FNDC3B: variants seen among roughly 807,000 people sequenced by gnomAD.
The protein encoded by FNDC3B is fibronectin type III domain containing 3B, also known as fibronectin type III domain-containing protein 3B.
In FNDC3B, 12 loss-of-function variants were observed where a neutral mutation model predicts 151.5. The ratio of observed to expected loss-of-function variants is 0.08; its 90% CI spans 0.05 to 0.13. FNDC3B has a LOEUF of 0.13. FNDC3B is among the 10% of genes least tolerant of loss of function. FNDC3B has a pLI of 1.00. For missense variants in FNDC3B, 1,214 were observed against 1,505.3 expected (o/e 0.81, Z 3.20); for synonymous variants, 528 against 549.0 (o/e 0.96, Z 0.54).
chr3:172,225,508 A>G (rs547302130), intron 3 of FNDC3B: 6 of 214,860 alleles, frequency 2.8e-5, no homozygotes, highest in Admixed American at 1.3e-4. Context: ...GGCTGGCCAT[A>G]AAAACTCCAG....
At chr3:172,102,527 G>A (rs765146315) in intron 1 of FNDC3B, among the ~76,000 whole-genome samples, 9 of 152,100 alleles carry the variant, frequency 5.9e-5, no homozygotes, top group Non-Finnish European at 1.0e-4. Flanking sequence ...TCTTATTAAA[G>A]GGCTATCTGG....
chr3:172,161,195 T>G (rs1169304627), intron 3 of FNDC3B, among the ~76,000 whole-genome samples: 1 of 152,238 alleles, frequency 6.6e-6, no homozygotes, highest in Non-Finnish European at 1.5e-5. Flanking sequence ...TTGAGCAGGC[T>G]GTTGAATATT....
intron 23 of FNDC3B, among the ~76,000 whole-genome samples, chr3:172,372,227 G>T (rs1048581970): frequency 2.6e-5 from 4 of 152,162 alleles, no homozygotes; most frequent in African/African-American, 7.2e-5. Context: ...TACTGTGCTT[G>T]TCCTCTTCTT....
chr3:172,214,265 A>G (rs1413509535), intron 3 of FNDC3B, among the ~76,000 whole-genome samples: 2 of 152,192 alleles, frequency 1.3e-5, no homozygotes, highest in Admixed American at 6.5e-5. Flanking sequence ...GCTGGTCTGT[A>G]AGAACTCTCA....
chr3:172,311,187 G>T (rs1731458776), intron 11 of FNDC3B, among the ~76,000 whole-genome samples: 1 of 152,190 alleles, frequency 6.6e-6, no homozygotes, highest in African/African-American at 2.4e-5. Context: ...ATTAAAAATT[G>T]ACTGCTTTGT....
At chr3:172,070,405 G>A (rs747900633) in intron 1 of FNDC3B, among the ~76,000 whole-genome samples, 28 of 152,238 alleles carry the variant, frequency 1.8e-4, no homozygotes, top group Middle Eastern at 3.4e-3. Context: ...CTACCCTGTG[G>A]TTTTCTTTCT....
chr3:172,285,112 T>C (rs1729943792), intron 6 of FNDC3B, among the ~76,000 whole-genome samples: 1 of 152,140 alleles, frequency 6.6e-6, no homozygotes. Flanking sequence ...TCCCTCGTGT[T>C]ATTAAAAGGC....
At chr3:172,076,148 A>G (rs1717998100) in intron 1 of FNDC3B, among the ~76,000 whole-genome samples, 1 of 152,208 alleles carries the variant, frequency 6.6e-6, no homozygotes, top group South Asian at 2.1e-4. Context: ...TTAAGGTACC[A>G]GAAGAAATCT....
At chr3:172,325,968 C>T (rs935778608) in intron 11 of FNDC3B, among the ~76,000 whole-genome samples, 21 of 152,124 alleles carry the variant, frequency 1.4e-4, no homozygotes, top group East Asian at 1.2e-3. Flanking sequence ...GGATTACAGG[C>T]GTCTACCACC....
intron 16 of FNDC3B, chr3:172,338,009 A>G (rs895396339): frequency 3.3e-5 from 5 of 152,458 alleles, no homozygotes; most frequent in African/African-American, 1.2e-4. Flanking sequence ...TTCATCTCCT[A>G]ACTTGCCATA....
intron 1 of FNDC3B, among the ~76,000 whole-genome samples, chr3:172,057,530 G>T (rs925870849): frequency 1.3e-5 from 2 of 152,176 alleles, no homozygotes; most frequent in African/African-American, 4.8e-5. Flanking sequence ...AGTAAAAGGG[G>T]TTGGGGGGAA....
intron 3 of FNDC3B, among the ~76,000 whole-genome samples, chr3:172,214,578 T>C (rs1379019909): frequency 6.6e-6 from 1 of 151,848 alleles, no homozygotes; most frequent in Non-Finnish European, 1.5e-5. Context: ...TTTTTTTCCA[T>C]TGAGCAGCCT....
chr3:172,263,237 A>G (rs1251218604), intron 6 of FNDC3B, among the ~76,000 whole-genome samples: 1 of 151,932 alleles, frequency 6.6e-6, no homozygotes, highest in Admixed American at 6.6e-5. Flanking sequence ...TCATAAATGC[A>G]TTTATTACTG....
intron 3 of FNDC3B, among the ~76,000 whole-genome samples, chr3:172,188,136 C>T (rs202211748): frequency 6.6e-6 from 1 of 151,608 alleles, no homozygotes. Flanking sequence ...GCTGGGATTA[C>T]AGGCATGTGC....
Position 172,311,737 on chromosome 3 carries a change from G to T in FNDC3B, c.1254+856G>T, listed in dbSNP as rs528547945. 2.7e-3 allele frequency among the ~76,000 whole-genome samples: 405 copies of T among 151,050 alleles called. 1 individual carries two copies. The highest frequency in any genetic ancestry group is 9.4e-3 in the African/African-American group (386 of 40,954). ...AAAAAAAAAAAAAAAAATTAGCCGG[G>T]CGTAGTGGCGGGCGCCTGTAGTCCC... On this transcript the variant is annotated intron_variant, in intron 11 of 25. Transcript: ENST00000415807.
At chr3:172,244,917 C>T (rs775178618) in intron 4 of FNDC3B, among the ~76,000 whole-genome samples, 32 of 152,082 alleles carry the variant, frequency 2.1e-4, no homozygotes, top group Admixed American at 5.9e-4. Context: ...TGAGCCACTG[C>T]GCCTGGCCAA....
At chr3:172,248,149 TA>T (rs1447254533) in intron 5 of FNDC3B, among the ~76,000 whole-genome samples, 3 of 152,188 alleles carry the variant, frequency 2.0e-5, no homozygotes, top group Non-Finnish European at 4.4e-5. Flanking sequence ...GTTTCTTTGG[TA>T]TCCATATGAT....
intron 3 of FNDC3B, among the ~76,000 whole-genome samples, chr3:172,211,482 C>T (rs539904689): frequency 3.1e-4 from 47 of 152,218 alleles, no homozygotes; most frequent in African/African-American, 9.9e-4. Flanking sequence ...GTTTTTAGAA[C>T]CTGATTTTGC....
chr3:172,120,002 T>C (rs1720455709), intron 2 of FNDC3B, among the ~76,000 whole-genome samples: 1 of 152,206 alleles, frequency 6.6e-6, no homozygotes, highest in African/African-American at 2.4e-5. Flanking sequence ...TTTTGCCAAT[T>C]TTGCTCACTA....
Sources: gnomAD v4.1 joint callset for allele counts (sites outside exome capture counted in the v4.1 genomes callset) on GRCh38, gnomAD v4.1.1 for gene constraint, MANE v1.5 for transcripts, NCBI Gene and HGNC (gene_info 2026-07-23, HGNC 2026-07-21) for gene names.